SLC8A1: variants seen among roughly 807,000 people sequenced by gnomAD.
SLC8A1 encodes solute carrier family 8 member A1.
In SLC8A1, 18 loss-of-function variants were observed where a neutral mutation model predicts 68.3. The observed-to-expected ratio is 0.26, with a 90% CI of 0.18 to 0.39. The LOEUF (loss-of-function observed/expected upper bound fraction) is 0.39, where lower values mean the gene tolerates loss of function less well. Ranked by LOEUF, SLC8A1 falls within the 10% of genes least tolerant of loss-of-function variation. The pLI is 1.00. For missense variants in SLC8A1, 985 were observed against 1,156.7 expected (o/e 0.85, Z 2.15); for synonymous variants, 475 against 415.5 (o/e 1.14, Z -1.74).
chr2:40,284,619 A>G (rs1221603441), intron 2 of SLC8A1, among the ~76,000 whole-genome samples: 1 of 147,324 alleles, frequency 6.8e-6, no homozygotes, highest in African/African-American at 2.5e-5. Flanking sequence ...TATAAATTAA[A>G]TTGAAAGCTT....
intron 4 of SLC8A1, among the ~76,000 whole-genome samples, chr2:40,168,824 C>T (rs2046984665): frequency 6.6e-6 from 1 of 152,188 alleles, no homozygotes; most frequent in Admixed American, 6.5e-5. Flanking sequence ...AGTGCACATG[C>T]ACACTTTTAA....
At chr2:40,131,764 G>C (rs1294291796) in intron 7 of SLC8A1, among the ~76,000 whole-genome samples, 1 of 151,806 alleles carries the variant, frequency 6.6e-6, no homozygotes, top group East Asian at 1.9e-4. Context: ...TATCACAGCT[G>C]TGTTTGGTCT....
chr2:40,198,615 C>G (rs1452548493), intron 2 of SLC8A1, among the ~76,000 whole-genome samples: 6 of 151,852 alleles, frequency 4.0e-5, no homozygotes, highest in Admixed American at 3.9e-4. Context: ...ATGAATTCCA[C>G]AGTAATACAG....
At chr2:40,309,779 C>T (rs1462862779) in intron 2 of SLC8A1, among the ~76,000 whole-genome samples, 1 of 152,172 alleles carries the variant, frequency 6.6e-6, no homozygotes, top group Non-Finnish European at 1.5e-5. Context: ...GCTGGGATTA[C>T]AGGCGTGAGC....
chr2:40,445,766 C>A (rs1051874022), intron 1 of SLC8A1, among the ~76,000 whole-genome samples: 1 of 152,150 alleles, frequency 6.6e-6, no homozygotes, highest in South Asian at 2.1e-4. Context: ...CTGCCCAACA[C>A]TGATTCACAA....
intron 2 of SLC8A1, among the ~76,000 whole-genome samples, chr2:40,257,667 G>C (rs1398708727): frequency 6.6e-6 from 1 of 152,150 alleles, no homozygotes; most frequent in African/African-American, 2.4e-5. Flanking sequence ...TTTCAAAGCA[G>C]TGTGATTACA....
At chr2:40,390,966 A>T (rs2149597924) in intron 2 of SLC8A1, among the ~76,000 whole-genome samples, 1 of 152,210 alleles carries the variant, frequency 6.6e-6, no homozygotes, top group African/African-American at 2.4e-5. Flanking sequence ...CTTTGTGGAT[A>T]TATTTGGAGG....
chr2:40,489,872 C>T (rs1202139029), intron 1 of SLC8A1, among the ~76,000 whole-genome samples: 1 of 152,026 alleles, frequency 6.6e-6, no homozygotes, highest in Non-Finnish European at 1.5e-5. Flanking sequence ...TTCTAAATCC[C>T]CCCAAGCCAA....
chr2:40,150,770 C>A (rs759355765), intron 6 of SLC8A1, among the ~76,000 whole-genome samples: 1 of 152,184 alleles, frequency 6.6e-6, no homozygotes, highest in African/African-American at 2.4e-5. Context: ...TCAGCTAAAG[C>A]ATATCCAGAG....
chr2:40,124,162 A>G (rs1268819552), intron 7 of SLC8A1, among the ~76,000 whole-genome samples: 2 of 152,246 alleles, frequency 1.3e-5, no homozygotes, highest in East Asian at 3.9e-4. Flanking sequence ...TTGAAGAGAA[A>G]TAAAAAGAAA....
At chr2:40,470,555 T>C (rs1489524076) in intron 1 of SLC8A1, among the ~76,000 whole-genome samples, 1 of 151,958 alleles carries the variant, frequency 6.6e-6, no homozygotes, top group Non-Finnish European at 1.5e-5. Flanking sequence ...AGACCTATAT[T>C]AACATAAACA....
Position 40,436,917 on chromosome 2 carries a change from G to A in SLC8A1, c.-24-6613C>T, listed in dbSNP as rs548765314. ...TAATTCATTATGCCAGAACCACAGA[G>A]CAGGGTTTAAGGGCCCTACTCAGGG... On this transcript the variant is annotated intron_variant, in intron 1 of 7. Coordinates refer to ENST00000406785, the Ensembl canonical transcript of SLC8A1. 2.6e-4 allele frequency among the ~76,000 whole-genome samples: 39 copies of A among 152,226 alleles called. No homozygotes were observed. The South Asian group carries it at 3.1e-3, about 12-fold the overall frequency.
intron 2 of SLC8A1, among the ~76,000 whole-genome samples, chr2:40,278,530 A>G (rs1227431527): frequency 2.0e-5 from 3 of 152,186 alleles, no homozygotes; most frequent in Non-Finnish European, 4.4e-5. Context: ...TCACAAAATG[A>G]TAAGGGGAGA....
At chr2:40,169,932 G>A (rs1291518917) in intron 4 of SLC8A1, among the ~76,000 whole-genome samples, 1 of 152,140 alleles carries the variant, frequency 6.6e-6, no homozygotes, top group Non-Finnish European at 1.5e-5. Flanking sequence ...GTGACAGAGA[G>A]AATCCCCATC....
intron 4 of SLC8A1, 62 bp downstream of exon 7, chr2:40,170,219 G>GTCTC: frequency 7.0e-7 from 1 of 1,426,544 alleles, no homozygotes; most frequent in Non-Finnish European, 9.9e-7. Flanking sequence ...TGACTGTAAT[G>GTCTC]TCTCTAACAT....
chr2:40,438,520 C>A (rs1374925470), intron 1 of SLC8A1, among the ~76,000 whole-genome samples: 1 of 152,090 alleles, frequency 6.6e-6, no homozygotes, highest in Non-Finnish European at 1.5e-5. Context: ...ATGATTGACA[C>A]GTGGTCCCTG....
intron 2 of SLC8A1, among the ~76,000 whole-genome samples, chr2:40,413,597 C>T (rs1244552770): frequency 6.6e-6 from 1 of 151,972 alleles, no homozygotes; most frequent in African/African-American, 2.4e-5. Flanking sequence ...ACTTGTTTTC[C>T]CTCCAAATTA....
At chr2:40,307,146 T>TACACACACACAC (rs144335092) in intron 2 of SLC8A1, among the ~76,000 whole-genome samples, 2,636 of 148,258 alleles carry the variant, frequency 0.018, 44 homozygotes, top group African/African-American at 0.051. Context: ...AAATGTGATA[T>TACACACACACAC]ACACACACAC....
chr2:40,431,253 G>A (rs372086228), intron 1 of SLC8A1, among the ~76,000 whole-genome samples: 3 of 152,106 alleles, frequency 2.0e-5, no homozygotes, highest in Admixed American at 6.5e-5. Flanking sequence ...GTTCCTTCTC[G>A]GTGTCGGTCA....
Sources: gnomAD v4.1 joint callset for allele counts (sites outside exome capture counted in the v4.1 genomes callset) on GRCh38, gnomAD v4.1.1 for gene constraint, MANE v1.5 for transcripts, NCBI Gene and HGNC (gene_info 2026-07-23, HGNC 2026-07-21) for gene names.